The following STK3 variants were observed in gnomAD, a reference collection of about 807,000 sequenced individuals.
STK3 encodes serine/threonine kinase 3.
Under a neutral mutation model 58.0 loss-of-function variants are expected in STK3, and 41 were observed. The observed-to-expected ratio is 0.71, with a 90% CI of 0.55 to 0.92. STK3 has a LOEUF of 0.92. STK3 is among the 40% of genes least tolerant of loss of function. The probability of loss-of-function intolerance (pLI) is 0.00; values close to 1 mark genes in which losing one functional copy is unlikely to be tolerated. For missense variants in STK3, 479 were observed against 602.7 expected, an observed-to-expected ratio of 0.79 and a Z score of 2.15; for synonymous variants, 170 against 191.0, an observed-to-expected ratio of 0.89 and a Z score of 0.91.
rs534917016 is a variant in STK3, at chr8:98,601,932, CTT to C, written c.685-5765_685-5764del. ...CATCAGAAGTTCAGCACTTGTAGAA[CTT>C]AGTATCAGCCATAAAAGAGTCTGAT... On this transcript the variant is annotated intron_variant, in intron 6 of 10. Coordinates refer to ENST00000419617, the MANE Select transcript of STK3 (RefSeq NM_006281.4). Among the ~76,000 whole-genome samples the C allele has an allele frequency of 2.9e-3, 442 of 152,282 alleles. 2 individuals are homozygous for C. The highest frequency in any genetic ancestry group is 4.8e-3 in the Non-Finnish European group (329 of 68,030).
In STK3 at chr8:98,675,992, G is replaced by A. The variant is rs145975627; in HGVS notation, c.684+30475C>T. Among the ~76,000 whole-genome samples, 156 of 152,288 alleles carry A rather than the reference G, an allele frequency of 1.0e-3. No homozygotes were observed. The East Asian group carries it at 0.029, about 28-fold the overall frequency. On this transcript the variant is annotated intron_variant, in intron 6 of 10. Coordinates refer to ENST00000419617, the MANE Select transcript of STK3 (RefSeq NM_006281.4). ...CAATAGATGCACAGATAAACAAAAT[G>A]ATGTGTACGCATAAATGAAATACTA...
At chr8:98,459,827 T>C (rs534900436) in intron 10 of STK3, among the ~76,000 whole-genome samples, 17 of 152,328 alleles carry the variant, frequency 1.1e-4, no homozygotes, top group Admixed American at 3.3e-4. Flanking sequence ...AATTGAGGCT[T>C]GGGAACCTCT....
In STK3 at chr8:98,892,075, CAAA is replaced by C. The variant is rs1051014819; in HGVS notation, c.-78-8244_-78-8242del. 2.3e-4 allele frequency among the ~76,000 whole-genome samples: 35 copies of C among 151,048 alleles called. 1 individual carries two copies. Among genetic ancestry groups the C allele is most frequent in the Admixed American group, 2.2e-3 (34 of 15,184 alleles). The stretch of plus-strand genomic sequence containing the variant: ...AAGTGTGACAAGCACGTACTCCACC[CAAA>C]AAAAAATCTATGCTATAGACCCAGG... On this transcript the variant is annotated intron_variant, in intron 1 of 1. Transcript: ENST00000519420.
intron 6 of STK3, among the ~76,000 whole-genome samples, chr8:98,704,552 G>A (rs1369125471): frequency 2.7e-5 from 4 of 150,868 alleles, no homozygotes; most frequent in Non-Finnish European, 5.9e-5. Context: ...TGAAAAACTG[G>A]TAGGATTTAG....
intron 9 of STK3, among the ~76,000 whole-genome samples, chr8:98,528,568 C>T (rs1179455244): frequency 6.6e-6 from 1 of 152,028 alleles, no homozygotes; most frequent in Admixed American, 6.6e-5. Flanking sequence ...CTCATTGCAA[C>T]CTCCGCCTCC....
In STK3 at chr8:98,623,604, C is replaced by T. The variant is rs560300337; in HGVS notation, c.685-27435G>A. On this transcript the variant is annotated intron_variant, in intron 6 of 10. Transcript: ENST00000419617. The stretch of plus-strand genomic sequence containing the variant: ...TTTGAGAACAGCCTGGGCAACGTAG[C>T]GACAGCCCGTCTCTACAAAATATAC... Among the ~76,000 whole-genome samples, 8 of 152,200 alleles carry T rather than the reference C, an allele frequency of 5.3e-5. No homozygotes were observed. The East Asian group carries it at 7.7e-4, about 15-fold the overall frequency.
chr8:98,419,222 G>A (rs553728564), intron 3 of STK3, among the ~76,000 whole-genome samples: 11 of 152,286 alleles, frequency 7.2e-5, no homozygotes, highest in South Asian at 2.1e-4. Flanking sequence ...TTAGCTGGGC[G>A]TGGTGGTGGG....
At chr8:98,910,161 C>T (rs1839072772) in intron 1 of STK3, among the ~76,000 whole-genome samples, 1 of 152,184 alleles carries the variant, frequency 6.6e-6, no homozygotes, top group South Asian at 2.1e-4. Context: ...AATGTCTATT[C>T]AGATCCTTTT....
At chr8:98,905,814 T>C (rs904991880) in intron 1 of STK3, 5 of 364,714 alleles carry the variant, frequency 1.4e-5, no homozygotes, top group Non-Finnish European at 2.6e-5. Flanking sequence ...GATTCACAAA[T>C]TCGGAGCCAG....
At chr8:98,651,218 A>G (rs1820895234) in intron 6 of STK3, among the ~76,000 whole-genome samples, 1 of 152,232 alleles carries the variant, frequency 6.6e-6, no homozygotes, top group South Asian at 2.1e-4. Context: ...CGCTGCTGGT[A>G]CCCAGGCAAA....
chr8:98,421,206 A>G lies in STK3; in HGVS notation n.483+12921T>C, dbSNP rs368007713. ...GGATGGGGGCTTCAGTTCAGCTGTC[A>G]GCCTCCCACAGAAAGTTCAGGAGAG... is the stretch of plus-strand genomic sequence containing the variant. On this transcript the variant is annotated intron_variant and non_coding_transcript_variant, in intron 3 of 3. Coordinates refer to the STK3 transcript ENST00000517832. Among the ~76,000 whole-genome samples, 1,173 of 152,320 alleles carry G rather than the reference A, an allele frequency of 7.7e-3. 10 individuals are homozygous for G. The highest frequency in any genetic ancestry group is 0.02 in the African/African-American group (820 of 41,574).
intron 1 of STK3, among the ~76,000 whole-genome samples, chr8:98,903,488 T>TTCC (rs1838739250): frequency 5.2e-5 from 1 of 19,156 alleles, no homozygotes; most frequent in Non-Finnish European, 1.1e-4. Flanking sequence ...ATTTAGGAAG[T>TTCC]TCTTCTTCTT....
chr8:98,872,613 T>A (rs1837417694), intron 3 of STK3, among the ~76,000 whole-genome samples: 2 of 152,246 alleles, frequency 1.3e-5, no homozygotes, highest in Non-Finnish European at 2.9e-5. Context: ...CTAGATTTTC[T>A]AGTTTATTTG....
chr8:98,620,961 G>T (rs376993135), intron 6 of STK3, among the ~76,000 whole-genome samples: 3 of 129,940 alleles, frequency 2.3e-5, no homozygotes, highest in Admixed American at 9.2e-5. Context: ...ACGGAGTCTC[G>T]CTCTGTCGCC....
At chr8:98,449,036 A>G (rs1819079120) in intron 1 of STK3, among the ~76,000 whole-genome samples, 1 of 152,100 alleles carries the variant, frequency 6.6e-6, no homozygotes, top group South Asian at 2.1e-4. Flanking sequence ...TTTTGTGTTA[A>G]TGTGATTTGA....
chr8:98,761,571 T>C (rs1830616704), intron 3 of STK3, among the ~76,000 whole-genome samples: 1 of 152,248 alleles, frequency 6.6e-6, no homozygotes, highest in Non-Finnish European at 1.5e-5. Context: ...AATTACATCA[T>C]TTTCATCAAC....
intron 6 of STK3, among the ~76,000 whole-genome samples, chr8:98,665,873 T>A (rs573789463): frequency 6.6e-6 from 1 of 152,116 alleles, no homozygotes; most frequent in Non-Finnish European, 1.5e-5. Flanking sequence ...CCGGCTAATT[T>A]TTTGTATTTT....
rs1218804257 is a variant in STK3 at position 98,404,477 on chromosome 8, G to T, written n.484-2964C>A. The stretch of plus-strand genomic sequence containing the variant: ...GGGTGGATCACGAGGTCAGGAGATC[G>T]AGACCATCCAGGCTAACATGGTGAA... On this transcript the variant is annotated intron_variant and non_coding_transcript_variant, in intron 3 of 3. Coordinates refer to the STK3 transcript ENST00000517832. 2.6e-5 allele frequency among the ~76,000 whole-genome samples: 4 copies of T among 152,156 alleles called. No homozygotes were observed. The East Asian group carries it at 5.8e-4, about 22-fold the overall frequency.
intron 4 of STK3, among the ~76,000 whole-genome samples, chr8:98,740,619 G>A (rs538009397): frequency 3.8e-4 from 58 of 152,204 alleles, no homozygotes; most frequent in East Asian, 1.9e-3. Context: ...AGGAACAACC[G>A]GTACCAGCCA....
Sources: allele counts gnomAD v4.1 joint callset (sites outside exome capture counted in the v4.1 genomes callset), GRCh38; gene constraint gnomAD v4.1.1; transcripts MANE v1.5; gene names NCBI Gene and HGNC (gene_info 2026-07-23, HGNC 2026-07-21).